The following ARHGAP44 variants were observed in gnomAD, a reference collection of about 807,000 sequenced individuals.
ARHGAP44 encodes the protein rho GTPase-activating protein 44.
A neutral mutation model predicts 106.8 loss-of-function variants in ARHGAP44; 43 were observed. The observed-to-expected ratio is 0.40, with a 90% CI of 0.32 to 0.52. The LOEUF is 0.52. Among genes scored for constraint, ARHGAP44 ranks in the 20% least tolerant of loss-of-function variants. ARHGAP44 has a pLI of 0.48. For synonymous variants in ARHGAP44, 439 were observed against 410.3 expected (o/e 1.07, Z -0.85); for missense variants, 866 against 1,050.5 (o/e 0.82, Z 2.43).
In ARHGAP44 at chr17:12,933,761, GC is replaced by G. The variant is rs535412805; in HGVS notation, c.582+4716del. ...TCATTTTGCTTCGTACAGGAGACTG[GC>G]TGCAGTCTTAGGATTTTCACTGTAA... On this transcript the variant is annotated intron_variant, in intron 7 of 20. Coordinates refer to ENST00000379672, the MANE Select transcript of ARHGAP44 (RefSeq NM_014859.6). 9.2e-5 allele frequency among the ~76,000 whole-genome samples: 14 copies of G among 152,214 alleles called. 1 individual carries two copies. The South Asian group carries it at 2.9e-3, about 32-fold the overall frequency.
chr17:12,808,691 A>G (rs2150775677), intron 1 of ARHGAP44, among the ~76,000 whole-genome samples: 1 of 152,316 alleles, frequency 6.6e-6, no homozygotes, highest in African/African-American at 2.4e-5. Context: ...CCATGATAGG[A>G]GGGACTGTCA....
intron 3 of ARHGAP44, among the ~76,000 whole-genome samples, chr17:12,905,909 G>A (rs2037532135): frequency 6.6e-6 from 1 of 152,192 alleles, no homozygotes; most frequent in Non-Finnish European, 1.5e-5. Context: ...CTGAGGTATT[G>A]TAGACACTTG....
intron 16 of ARHGAP44, among the ~76,000 whole-genome samples, chr17:12,966,269 G>A (rs75660394): frequency 0.1 from 15,674 of 151,958 alleles, 928 homozygotes; most frequent in South Asian, 0.2. Context: ...AGTCTTCTGC[G>A]TATGGATGGA....
At chr17:12,907,284 A>G (rs1295859475) in intron 3 of ARHGAP44, among the ~76,000 whole-genome samples, 2 of 152,190 alleles carry the variant, frequency 1.3e-5, no homozygotes, top group South Asian at 2.1e-4. Flanking sequence ...GAGCTCTTTG[A>G]TATTTAGCCT....
intron 1 of ARHGAP44, among the ~76,000 whole-genome samples, chr17:12,821,767 C>T (rs1021757407): frequency 1.3e-5 from 2 of 152,078 alleles, no homozygotes; most frequent in Non-Finnish European, 2.9e-5. Context: ...ATGTGAATCA[C>T]GGTTTTTAAA....
rs180788279 is a variant in ARHGAP44 at position 12,809,335 on chromosome 17, T to G, written c.53+19444T>G. Among the ~76,000 whole-genome samples, 152 of 152,304 alleles carry G rather than the reference T, an allele frequency of 1.0e-3. 1 individual carries two copies. Among genetic ancestry groups the G allele is most frequent in the Admixed American group, 9.0e-3 (138 of 15,300 alleles). On this transcript the variant is annotated intron_variant, in intron 1 of 20. Coordinates refer to ENST00000379672, the MANE Select transcript of ARHGAP44 (RefSeq NM_014859.6). ...ACCAATTTACTATATTAATCTGTTC[T>G]CACACTGCTAATAAAGACATACCCA...
intron 19 of ARHGAP44, among the ~76,000 whole-genome samples, chr17:12,981,534 A>G (rs997219152): frequency 6.6e-6 from 1 of 151,986 alleles, no homozygotes; most frequent in Non-Finnish European, 1.5e-5. Context: ...AGTAGCTGAA[A>G]TTAAAGGCGT....
chr17:12,881,734 C>G (rs187045522), intron 1 of ARHGAP44, among the ~76,000 whole-genome samples: 34 of 152,190 alleles, frequency 2.2e-4, no homozygotes, highest in Non-Finnish European at 3.5e-4. Context: ...CTCTCTGTTG[C>G]CCATGCTGGA....
At chr17:12,819,691 G>A (rs2034706524) in intron 1 of ARHGAP44, among the ~76,000 whole-genome samples, 1 of 151,362 alleles carries the variant, frequency 6.6e-6, no homozygotes, top group African/African-American at 2.4e-5. Flanking sequence ...ACCTTTTCAT[G>A]AGTTTATTGG....
intron 18 of ARHGAP44, 41 bp downstream of exon 18, chr17:12,974,351 G>A: frequency 7.4e-7 from 1 of 1,350,410 alleles, no homozygotes; most frequent in Non-Finnish European, 9.5e-7. Flanking sequence ...CTGGTGTGCG[G>A]TGCAGGGGGT....
chr17:12,853,228 GGAAGCCTCCAGCAC>G, intron 1 of ARHGAP44, among the ~76,000 whole-genome samples: 1 of 152,296 alleles, frequency 6.6e-6, no homozygotes, highest in Non-Finnish European at 1.5e-5. Flanking sequence ...TTCGAGGGCA[GGAAGCCTCCAGCAC>G]GGGAGAAGGA....
At chr17:12,908,191 C>CT (rs1228178926) in intron 3 of ARHGAP44, among the ~76,000 whole-genome samples, 10,579 of 95,632 alleles carry the variant, frequency 0.11, 1,384 homozygotes, top group East Asian at 0.34. Flanking sequence ...TGCCTCATTT[C>CT]TTTTTTTTTT....
At chr17:12,823,409 T>C (rs2034829653) in intron 1 of ARHGAP44, among the ~76,000 whole-genome samples, 1 of 152,186 alleles carries the variant, frequency 6.6e-6, no homozygotes, top group Non-Finnish European at 1.5e-5. Context: ...GTCCTTTCTC[T>C]TATGGCCAAC....
chr17:12,936,371 C>T (rs1046738353), intron 7 of ARHGAP44, among the ~76,000 whole-genome samples: 3 of 152,188 alleles, frequency 2.0e-5, no homozygotes, highest in African/African-American at 7.2e-5. Context: ...CCTGCTGACC[C>T]TTGACAACCA....
chr17:12,950,197 C>T (rs574271047), intron 12 of ARHGAP44, among the ~76,000 whole-genome samples: 91 of 152,306 alleles, frequency 6.0e-4, no homozygotes, highest in Middle Eastern at 3.4e-3. Context: ...TCTGGAAGGG[C>T]TCACGTAGGC....
intron 1 of ARHGAP44, among the ~76,000 whole-genome samples, chr17:12,812,141 A>G (rs1242618306): frequency 6.6e-6 from 1 of 152,214 alleles, no homozygotes; most frequent in Non-Finnish European, 1.5e-5. Flanking sequence ...GAGTAAGTCT[A>G]ATAATCTTAC....
intron 1 of ARHGAP44, among the ~76,000 whole-genome samples, chr17:12,876,345 T>G (rs1298998639): frequency 1.3e-5 from 2 of 152,208 alleles, no homozygotes; most frequent in Non-Finnish European, 2.9e-5. Flanking sequence ...CCTCTGCCTC[T>G]TGACCAGCCC....
chr17:12,832,339 C>G (rs1722375245), intron 1 of ARHGAP44, among the ~76,000 whole-genome samples: 1 of 151,942 alleles, frequency 6.6e-6, no homozygotes, highest in African/African-American at 2.4e-5. Context: ...GCCAGATGAG[C>G]CAATTTATTG....
chr17:12,975,595 G>C (rs547452618), intron 18 of ARHGAP44, among the ~76,000 whole-genome samples: 1 of 151,906 alleles, frequency 6.6e-6, no homozygotes, highest in Non-Finnish European at 1.5e-5. Flanking sequence ...TCAGGAGATC[G>C]AGACCATCCT....
Sources: allele counts gnomAD v4.1 joint callset (sites outside exome capture counted in the v4.1 genomes callset), GRCh38; gene constraint gnomAD v4.1.1; transcripts MANE v1.5; gene names NCBI Gene and HGNC (gene_info 2026-07-23, HGNC 2026-07-21).